TRIP4: variants seen among roughly 807,000 people sequenced by gnomAD.
TRIP4 encodes thyroid hormone receptor interactor 4.
TRIP4 carries 54 observed loss-of-function variants against 81.8 expected under a neutral mutation model. The ratio of observed to expected loss-of-function variants is 0.66; its 90% CI spans 0.53 to 0.83. The LOEUF is 0.83. Among genes scored for constraint, TRIP4 ranks in the 40% least tolerant of loss-of-function variants. The probability of loss-of-function intolerance (pLI) is 0.00; values close to 1 mark genes in which losing one functional copy is unlikely to be tolerated. For synonymous variants in TRIP4, 270 were observed against 242.8 expected (o/e 1.11, Z -1.04); for missense variants, 662 against 683.6 (o/e 0.97, Z 0.35).
chr15:64,441,475 A>T (rs1892516706), intron 11 of TRIP4, among the ~76,000 whole-genome samples: 1 of 152,050 alleles, frequency 6.6e-6, no homozygotes, highest in African/African-American at 2.4e-5. Flanking sequence ...AGACGATGGT[A>T]AAATAAGGCT....
At chr15:64,442,514 G>A (rs567916836) in intron 11 of TRIP4, among the ~76,000 whole-genome samples, 2 of 151,832 alleles carry the variant, frequency 1.3e-5, no homozygotes, top group East Asian at 3.9e-4. Flanking sequence ...CAAACTCCTG[G>A]GCTCAAGCAA....
At chr15:64,392,259 C>T (rs1439619428) in intron 1 of TRIP4, among the ~76,000 whole-genome samples, 3 of 147,844 alleles carry the variant, frequency 2.0e-5, no homozygotes, top group African/African-American at 4.9e-5. Context: ...GATCGCACCA[C>T]TGCACTCCAG....
At chr15:64,451,032 A>C (rs1892746079) in intron 12 of TRIP4, 1 of 189,108 alleles carries the variant, frequency 5.3e-6, no homozygotes, top group Admixed American at 5.4e-5. Context: ...TTGAAACCAT[A>C]ACTAAGAAAC....
chr15:64,409,944 C>G, intron 7 of TRIP4, 116 bp downstream of exon 7: 2 of 893,564 alleles, frequency 2.2e-6, no homozygotes, highest in Non-Finnish European at 3.3e-6. Flanking sequence ...TTATTTGGAA[C>G]AGAAAACATG....
At chr15:64,434,260 G>A (rs1367325863) in intron 11 of TRIP4, among the ~76,000 whole-genome samples, 1 of 152,066 alleles carries the variant, frequency 6.6e-6, no homozygotes, top group Non-Finnish European at 1.5e-5. Context: ...TTAGCTGGGC[G>A]TGGTGGCGCA....
chr15:64,418,876 T>A (rs998036686), intron 9 of TRIP4, 148 bp downstream of exon 9: 4 of 722,050 alleles, frequency 5.5e-6, no homozygotes, highest in Non-Finnish European at 8.2e-6. Context: ...ATATTCATGT[T>A]ACTGACTTGG....
At chr15:64,413,503 T>A (rs1372308064) in intron 7 of TRIP4, among the ~76,000 whole-genome samples, 2 of 152,186 alleles carry the variant, frequency 1.3e-5, no homozygotes, top group African/African-American at 4.8e-5. Context: ...GGTCTTGGCA[T>A]GTTTAATGAT....
Position 64,394,172 on chromosome 15 carries a change from AATT to A in TRIP4, c.271+70_271+72del, listed in dbSNP as rs1040849707. The stretch of plus-strand genomic sequence containing the variant: ...TATTGGTAAGTGGGCAGGCTTAAAG[AATT>A]ATTATTATTATTTTTTTTTTTGCCA... On this transcript the variant is annotated intron_variant, in intron 2 of 12. Transcript: ENST00000261884. 5.6e-5 allele frequency: 78 copies of A among 1,395,074 alleles called. No homozygotes were observed. The Middle Eastern group carries it at 7.8e-4, about 14-fold the overall frequency. 86.4% of individuals were successfully genotyped at this position (1,395,074 alleles called of 1,614,324 possible).
chr15:64,405,328 G>A (rs943528329), intron 5 of TRIP4, among the ~76,000 whole-genome samples: 7 of 151,736 alleles, frequency 4.6e-5, no homozygotes, highest in Non-Finnish European at 8.8e-5. Flanking sequence ...CTAATTTTTT[G>A]TATTTTTAGT....
intron 12 of TRIP4, among the ~76,000 whole-genome samples, chr15:64,449,188 G>A (rs1380357118): frequency 5.3e-5 from 8 of 151,384 alleles, no homozygotes; most frequent in Non-Finnish European, 1.2e-4. Flanking sequence ...CTCCAGCCTG[G>A]GTGACACAGC....
chr15:64,449,107 G>A (rs1316355173), intron 12 of TRIP4, among the ~76,000 whole-genome samples: 5 of 151,824 alleles, frequency 3.3e-5, no homozygotes, highest in Non-Finnish European at 5.9e-5. Flanking sequence ...AGCTACTTGG[G>A]AGGCTGAGGC....
At chr15:64,391,594 GTTCT>G (rs1393232308) in intron 1 of TRIP4, among the ~76,000 whole-genome samples, 1 of 152,110 alleles carries the variant, frequency 6.6e-6, no homozygotes, top group Non-Finnish European at 1.5e-5. Flanking sequence ...GATGAATGTT[GTTCT>G]TTATTATACC....
At chr15:64,405,677 T>G (rs1313921069) in intron 5 of TRIP4, among the ~76,000 whole-genome samples, 1 of 152,196 alleles carries the variant, frequency 6.6e-6, no homozygotes, top group African/African-American at 2.4e-5. Flanking sequence ...TCTTCCATTA[T>G]TTAGTGTTTA....
intron 11 of TRIP4, among the ~76,000 whole-genome samples, chr15:64,441,005 A>T (rs867557642): frequency 0.018 from 2,498 of 138,958 alleles, 31 homozygotes; most frequent in Middle Eastern, 0.034. Flanking sequence ...TTTTTTTTTT[A>T]TTTTTGAGAC....
chr15:64,446,873 G>A (rs963211620), intron 12 of TRIP4, among the ~76,000 whole-genome samples: 10 of 151,724 alleles, frequency 6.6e-5, no homozygotes, highest in Non-Finnish European at 1.3e-4. Context: ...GGGAGGCCGA[G>A]GCAAGTGGAT....
In TRIP4 at chr15:64,450,411, A is replaced by AAAAG. The variant is rs1253573378; in HGVS notation, c.1679-4577_1679-4574dup. Among the ~76,000 whole-genome samples, 7 of 150,042 alleles carry AAAAG rather than the reference A, an allele frequency of 4.7e-5. No homozygotes were observed. The East Asian group carries it at 7.9e-4, about 17-fold the overall frequency. ...CTCAAAAGAAAAAAAAAAAAAAAAA[A>AAAAG]AAAGAAAGAAAGGAAAAAAAAGAAA... On this transcript the variant is annotated intron_variant, in intron 12 of 12. Transcript: ENST00000261884.
Position 64,400,816 on chromosome 15 carries a change from T to C in TRIP4, c.692T>C (p.Met231Thr), listed in dbSNP as rs774864951. 5 of 1,613,766 alleles carry C rather than the reference T, an allele frequency of 3.1e-6. No homozygotes were observed. The South Asian group carries it at 3.3e-5, about 11-fold the overall frequency. ...NKSQKLLKKL[M>T]SGVENSGKVD... ...AGCCAGAAACTGCTAAAGAAACTCATGTCAGGTAGACAGCAGTCTTGTAAT... is the reference window on the plus strand; with the variant it reads ...AGCCAGAAACTGCTAAAGAAACTCACGTCAGGTAGACAGCAGTCTTGTAAT... Residue 231 changes from methionine to threonine, a missense_variant, in exon 5 of 13, where the codon ATG becomes ACG. By Grantham distance (81) the Met-to-Thr change is moderately conservative (BLOSUM62 -1). Coordinates refer to ENST00000261884, the MANE Select transcript of TRIP4 (RefSeq NM_016213.5).
chr15:64,450,281 C>T (rs1366430395), intron 12 of TRIP4, among the ~76,000 whole-genome samples: 1 of 150,122 alleles, frequency 6.7e-6, no homozygotes, highest in Non-Finnish European at 1.5e-5. Context: ...CCCAGCTACT[C>T]GGGAGGCTGA....
chr15:64,436,543 A>T (rs1892403989), intron 11 of TRIP4, among the ~76,000 whole-genome samples: 1 of 151,804 alleles, frequency 6.6e-6, no homozygotes, highest in Non-Finnish European at 1.5e-5. Flanking sequence ...GTGAGCTGAG[A>T]TCGCGCTACT....
Sources: allele counts gnomAD v4.1 joint callset (sites outside exome capture counted in the v4.1 genomes callset), GRCh38; gene constraint gnomAD v4.1.1; transcripts MANE v1.5; gene names NCBI Gene and HGNC (gene_info 2026-07-23, HGNC 2026-07-21).